GALNTL6: variants seen among roughly 807,000 people sequenced by gnomAD.
GALNTL6 encodes polypeptide N-acetylgalactosaminyltransferase-like 6.
GALNTL6 carries 46 observed loss-of-function variants against 73.7 expected under a neutral mutation model. That is an observed-to-expected ratio of 0.62 (90% CI 0.49 to 0.80). The LOEUF (loss-of-function observed/expected upper bound fraction) is 0.80, where lower values mean the gene tolerates loss of function less well. GALNTL6 is among the 30% of genes least tolerant of loss of function. GALNTL6 has a pLI of 0.00. For synonymous variants in GALNTL6, 259 were observed against 263.7 expected (o/e 0.98, Z 0.17); for missense variants, 604 against 755.0 (o/e 0.80, Z 2.34).
chr4:171,992,100 C>T (rs28629260), intron 2 of GALNTL6, among the ~76,000 whole-genome samples: 12,531 of 151,776 alleles, frequency 0.083, 1,149 homozygotes, highest in African/African-American at 0.22. Flanking sequence ...TAATTTTCAT[C>T]GCAATTCATG....
chr4:171,985,026 C>T lies in GALNTL6; in HGVS notation c.138+170308C>T, dbSNP rs189477702. Among the ~76,000 whole-genome samples, 98 of 151,696 alleles carry T rather than the reference C, an allele frequency of 6.5e-4. 1 individual carries two copies. Among genetic ancestry groups the T allele is most frequent in the Non-Finnish European group, 4.9e-4 (33 of 67,884 alleles). Reference sequence around the variant, plus strand: ...AAAAAAAGAAAAGAAAACCCAACTTCCTTGCCTTTAGGTAGATTATTCCAA... The same window carrying T: ...AAAAAAAGAAAAGAAAACCCAACTTTCTTGCCTTTAGGTAGATTATTCCAA... On this transcript the variant is annotated intron_variant, in intron 2 of 12. Transcript: ENST00000506823.
At chr4:172,148,725 G>A (rs565778512) in intron 2 of GALNTL6, among the ~76,000 whole-genome samples, 4 of 152,274 alleles carry the variant, frequency 2.6e-5, no homozygotes, top group South Asian at 2.1e-4. Context: ...CTGCCAGCTC[G>A]AAGTGCTCTT....
rs966623414 is a variant in GALNTL6, at chr4:172,273,577, A to G, written c.248-38037A>G. On this transcript the variant is annotated intron_variant, in intron 3 of 12. Coordinates refer to ENST00000506823, the MANE Select transcript of GALNTL6 (RefSeq NM_001034845.3). ...ACAGAAAAGAGAAGCAGGGTAGGAAAGTCAGACAGACTTCCTCAAGGAGCT... is the reference window on the plus strand; with the variant it reads ...ACAGAAAAGAGAAGCAGGGTAGGAAGGTCAGACAGACTTCCTCAAGGAGCT... Among the ~76,000 whole-genome samples, 12 of 152,214 alleles carry G rather than the reference A, an allele frequency of 7.9e-5. No homozygotes were observed. In the East Asian group the frequency reaches 1.3e-3, roughly 17 times the overall value.
intron 5 of GALNTL6, among the ~76,000 whole-genome samples, chr4:172,656,806 T>C (rs893328275): frequency 2.0e-5 from 3 of 152,248 alleles, no homozygotes; most frequent in African/African-American, 7.2e-5. Flanking sequence ...TTTTGAAAAC[T>C]AGAGCAGACG....
chr4:172,050,359 T>A (rs1730813818), intron 2 of GALNTL6, among the ~76,000 whole-genome samples: 1 of 152,166 alleles, frequency 6.6e-6, no homozygotes, highest in Non-Finnish European at 1.5e-5. Context: ...GGCAAAATCA[T>A]AGATCAATAC....
chr4:172,319,484 G>A (rs11132935), intron 4 of GALNTL6, among the ~76,000 whole-genome samples: 62,929 of 151,870 alleles, frequency 0.41, 15,144 homozygotes, highest in South Asian at 0.63. Flanking sequence ...TTTTAAATGT[G>A]CACCTAAAAA....
chr4:172,459,324 C>T (rs1732523860), intron 5 of GALNTL6, among the ~76,000 whole-genome samples: 2 of 152,192 alleles, frequency 1.3e-5, no homozygotes, highest in Non-Finnish European at 2.9e-5. Context: ...TGCCCTCTCT[C>T]ACCACTCCTA....
At chr4:172,322,572 A>G (rs560829236) in intron 4 of GALNTL6, among the ~76,000 whole-genome samples, 3 of 152,268 alleles carry the variant, frequency 2.0e-5, no homozygotes, top group Non-Finnish European at 2.9e-5. Context: ...GGGAAGCCTC[A>G]GGAAACTCAT....
At chr4:172,264,661 T>C (rs1192837024) in intron 3 of GALNTL6, among the ~76,000 whole-genome samples, 1 of 146,106 alleles carries the variant, frequency 6.8e-6, no homozygotes, top group East Asian at 2.0e-4. Context: ...TAAGTGTGTA[T>C]GTATGTATGT....
At chr4:172,112,141 C>T (rs942856493) in intron 2 of GALNTL6, among the ~76,000 whole-genome samples, 1 of 151,986 alleles carries the variant, frequency 6.6e-6, no homozygotes. Flanking sequence ...ATGTCATATC[C>T]ATCCAGTATT....
At chr4:172,401,581 C>G (rs335996) in intron 5 of GALNTL6, among the ~76,000 whole-genome samples, 132,099 of 152,048 alleles carry the variant, frequency 0.87, 57,385 homozygotes, top group South Asian at 0.89. Flanking sequence ...TATAGTTTCT[C>G]TCTTTTTAAA....
chr4:172,309,233 G>C (rs1470169172), intron 3 of GALNTL6, among the ~76,000 whole-genome samples: 1 of 151,900 alleles, frequency 6.6e-6, no homozygotes, highest in East Asian at 1.9e-4. Context: ...CAGGGCTATT[G>C]AATTTAAGGG....
At chr4:172,814,842 C>T (rs1027093323) in intron 7 of GALNTL6, among the ~76,000 whole-genome samples, 9 of 152,108 alleles carry the variant, frequency 5.9e-5, no homozygotes, top group African/African-American at 2.2e-4. Flanking sequence ...CCTGATACCA[C>T]GCGAGAGAAG....
chr4:172,075,184 T>C (rs1349174409), intron 2 of GALNTL6, among the ~76,000 whole-genome samples: 6 of 152,318 alleles, frequency 3.9e-5, no homozygotes, highest in East Asian at 3.9e-4. Context: ...CTATGACTTA[T>C]GGGCAAAATT....
intron 5 of GALNTL6, among the ~76,000 whole-genome samples, chr4:172,739,083 C>T (rs1409595070): frequency 6.6e-6 from 1 of 152,080 alleles, no homozygotes; most frequent in Non-Finnish European, 1.5e-5. Flanking sequence ...AGGCATATCC[C>T]ACCCCCACTT....
intron 10 of GALNTL6, among the ~76,000 whole-genome samples, chr4:172,970,789 A>G (rs994013594): frequency 2.0e-5 from 3 of 152,236 alleles, no homozygotes; most frequent in African/African-American, 7.2e-5. Flanking sequence ...ATAAGAAATT[A>G]TAAGAGTATT....
In GALNTL6 at chr4:171,903,385, C is replaced by T. The variant is rs186150832; in HGVS notation, c.138+88667C>T. On this transcript the variant is annotated intron_variant, in intron 2 of 12. Transcript: ENST00000506823. Reference sequence around the variant, plus strand: ...CCTAGTCAAAGAAAGGGGTGATGGACGGCACCTGGAAAATCGGGTCACTCC... The same window carrying T: ...CCTAGTCAAAGAAAGGGGTGATGGATGGCACCTGGAAAATCGGGTCACTCC... 1.2e-4 allele frequency among the ~76,000 whole-genome samples: 18 copies of T among 152,104 alleles called. No individual in the cohort carries two copies. In the East Asian group the frequency reaches 2.7e-3, roughly 23 times the overall value.
intron 5 of GALNTL6, among the ~76,000 whole-genome samples, chr4:172,489,921 A>C (rs1733836863): frequency 6.6e-6 from 1 of 152,226 alleles, no homozygotes; most frequent in South Asian, 2.1e-4. Context: ...ATTGGATACA[A>C]AATAATTAGA....
At chr4:172,243,540 C>T (rs1162506282) in intron 3 of GALNTL6, among the ~76,000 whole-genome samples, 1 of 152,102 alleles carries the variant, frequency 6.6e-6, no homozygotes, top group Non-Finnish European at 1.5e-5. Flanking sequence ...GGAAAGTATC[C>T]TGAGAACCTG....
Sources: gnomAD v4.1 joint callset for allele counts (sites outside exome capture counted in the v4.1 genomes callset) on GRCh38, gnomAD v4.1.1 for gene constraint, MANE v1.5 for transcripts, NCBI Gene and HGNC (gene_info 2026-07-23, HGNC 2026-07-21) for gene names.